The following RORA variants were observed in gnomAD, a reference collection of about 807,000 sequenced individuals.
The protein encoded by RORA is nuclear receptor ROR-alpha.
In RORA, 7 loss-of-function variants were observed where a neutral mutation model predicts 69.5. The ratio of observed to expected loss-of-function variants is 0.10; its 90% confidence interval spans 0.06 to 0.19. The LOEUF is 0.19. Ranked by LOEUF, RORA falls within the 10% of genes least tolerant of loss-of-function variation. The probability of loss-of-function intolerance (pLI) is 1.00; values close to 1 mark genes in which losing one functional copy is unlikely to be tolerated. For synonymous variants in RORA, 261 were observed against 240.8 expected (o/e 1.08, Z -0.78); for missense variants, 457 against 663.0 (o/e 0.69, Z 3.41).
chr15:61,016,385 G>A (rs946042332), intron 1 of RORA, among the ~76,000 whole-genome samples: 1 of 152,214 alleles, frequency 6.6e-6, no homozygotes, highest in Non-Finnish European at 1.5e-5. Flanking sequence ...AATCACTGCA[G>A]AAAATGGTCT....
chr15:60,872,892 T>C (rs2073572352), intron 1 of RORA, among the ~76,000 whole-genome samples: 1 of 152,184 alleles, frequency 6.6e-6, no homozygotes, highest in Non-Finnish European at 1.5e-5. Context: ...TTTAGTGCTA[T>C]GTGCTCTTCA....
chr15:61,127,539 A>T (rs2079154187), intron 1 of RORA, among the ~76,000 whole-genome samples: 1 of 152,142 alleles, frequency 6.6e-6, no homozygotes, highest in Non-Finnish European at 1.5e-5. Context: ...CATCCCCTCT[A>T]CCCAAAGCTT....
intron 1 of RORA, among the ~76,000 whole-genome samples, chr15:60,886,279 A>G (rs1376693234): frequency 1.3e-5 from 2 of 152,166 alleles, no homozygotes; most frequent in Admixed American, 1.3e-4. Context: ...TAAAAATAAG[A>G]AGAAGGTTCT....
At chr15:60,665,370 A>G (rs958667573) in intron 2 of RORA, among the ~76,000 whole-genome samples, 2 of 152,324 alleles carry the variant, frequency 1.3e-5, no homozygotes, top group South Asian at 2.1e-4. Flanking sequence ...CTTTTACTCT[A>G]TAGATTCGAT....
intron 1 of RORA, among the ~76,000 whole-genome samples, chr15:60,838,117 C>G (rs74919924): frequency 6.6e-6 from 1 of 152,122 alleles, no homozygotes; most frequent in African/African-American, 2.4e-5. Flanking sequence ...GAGATCCACT[C>G]GAGCCATCCC....
chr15:61,036,523 T>C (rs1462530662), intron 1 of RORA, among the ~76,000 whole-genome samples: 2 of 152,152 alleles, frequency 1.3e-5, no homozygotes, highest in African/African-American at 4.8e-5. Context: ...CCCTTCACTG[T>C]TAACACCACT....
chr15:60,733,956 A>AGAGAGAGAGAGAGAGAG (rs1268114302), intron 1 of RORA, among the ~76,000 whole-genome samples: 1 of 81,996 alleles, frequency 1.2e-5, no homozygotes, highest in African/African-American at 4.2e-5. Flanking sequence ...GAGAGAGAGA[A>AGAGAGAGAGAGAGAGAG]AGAGAAAGGA....
chr15:60,542,635 TCACA>T (rs983216735), intron 2 of RORA, among the ~76,000 whole-genome samples: 7 of 72,464 alleles, frequency 9.7e-5, no homozygotes, highest in East Asian at 3.2e-4. Flanking sequence ...CATGCACACC[TCACA>T]CACGACACAC....
intron 1 of RORA, among the ~76,000 whole-genome samples, chr15:60,760,264 T>C (rs553521432): frequency 2.6e-5 from 4 of 152,330 alleles, no homozygotes; most frequent in African/African-American, 9.6e-5. Context: ...AAACATTCTC[T>C]GGCACCTAGT....
At position 61,061,455 on chromosome 15, in the gene RORA, G is replaced by T. The variant is rs2078185464; in HGVS notation, c.166+167598C>A. The stretch of plus-strand genomic sequence containing the variant: ...GGTAATGCGGCCAGGCATATCTGTT[G>T]TTGCTGACCTGAGAGCTATGGATGC... On this transcript the variant is annotated intron_variant, in intron 1 of 10. Transcript: ENST00000335670. The surrounding 1 kb of genome is among the most constrained non-coding windows in gnomAD (Gnocchi z 4.4). Among the ~76,000 whole-genome samples, 2 of 152,152 alleles carry T rather than the reference G, an allele frequency of 1.3e-5. No individual in the cohort carries two copies. The highest frequency in any genetic ancestry group is 2.1e-4 in the South Asian group (1 of 4,822).
intron 1 of RORA, among the ~76,000 whole-genome samples, chr15:61,218,689 C>CACACAT (rs2080065189): frequency 6.6e-6 from 1 of 151,682 alleles, no homozygotes; most frequent in South Asian, 2.1e-4. Context: ...CACACACACA[C>CACACAT]ACACACACAC....
At chr15:60,527,307 G>A (rs2066391724) in intron 3 of RORA, among the ~76,000 whole-genome samples, 1 of 152,242 alleles carries the variant, frequency 6.6e-6, no homozygotes, top group Admixed American at 6.5e-5. Context: ...TGTATCTCAT[G>A]ATGAAATTAG....
chr15:61,058,141 G>C (rs1055387199), intron 1 of RORA, among the ~76,000 whole-genome samples: 2 of 152,100 alleles, frequency 1.3e-5, no homozygotes, highest in African/African-American at 4.8e-5. Flanking sequence ...GGTAGGGAGG[G>C]GAGCAAGAGC....
At chr15:60,663,835 C>A (rs2070341543) in intron 2 of RORA, among the ~76,000 whole-genome samples, 1 of 152,204 alleles carries the variant, frequency 6.6e-6, no homozygotes, top group African/African-American at 2.4e-5. Context: ...TGATTGGTCA[C>A]ACACAGAATG....
chr15:60,639,584 G>A (rs982638688), intron 2 of RORA, among the ~76,000 whole-genome samples: 2 of 152,140 alleles, frequency 1.3e-5, no homozygotes, highest in African/African-American at 2.4e-5. Context: ...GAGAGATTTC[G>A]AACATTGAAA....
chr15:60,590,258 T>G (rs1413185289), intron 2 of RORA, among the ~76,000 whole-genome samples: 3 of 151,910 alleles, frequency 2.0e-5, no homozygotes, highest in African/African-American at 7.3e-5. Flanking sequence ...GGCACTTTTT[T>G]CAAAGCACAA....
At chr15:60,627,365 C>T (rs1478138480) in intron 2 of RORA, 1 of 1,614,178 alleles carries the variant, frequency 6.2e-7, no homozygotes, top group South Asian at 1.1e-5. Context: ...CCTGGGGCCC[C>T]CTCATTCATG....
chr15:60,730,328 A>G (rs2071412514), intron 1 of RORA, among the ~76,000 whole-genome samples: 1 of 152,224 alleles, frequency 6.6e-6, no homozygotes, highest in Non-Finnish European at 1.5e-5. Context: ...AGGAAATGCC[A>G]TTCTTCTCAT....
intron 2 of RORA, chr15:60,547,832 A>C (rs1295637858): frequency 6.6e-6 from 1 of 152,182 alleles, no homozygotes; most frequent in South Asian, 2.1e-4. Flanking sequence ...TGACAGCGTT[A>C]TGGGCACGGA....
Sources: gnomAD v4.1 joint callset for allele counts (sites outside exome capture counted in the v4.1 genomes callset) on GRCh38, gnomAD v4.1.1 for gene constraint, Gnocchi (gnomAD v3.1) non-coding constraint, MANE v1.5 for transcripts, NCBI Gene and HGNC (gene_info 2026-07-23, HGNC 2026-07-21) for gene names.